MTUS1: variants seen among roughly 807,000 people sequenced by gnomAD.
MTUS1 encodes the protein microtubule-associated tumor suppressor 1.
A neutral mutation model predicts 120.8 loss-of-function variants in MTUS1; 109 were observed. That is an observed-to-expected ratio of 0.90 (90% CI 0.77 to 1.06). MTUS1 has a LOEUF of 1.06. Among genes scored for constraint, MTUS1 ranks in the 50% least tolerant of loss-of-function variants. The pLI, the probability that MTUS1 is intolerant of heterozygous loss-of-function variation, is 0.00. For synonymous variants in MTUS1, 737 were observed against 550.5 expected (o/e 1.34, Z -4.74); for missense variants, 2,210 against 1,486.3 (o/e 1.49, Z -8.01).
chr8:17,739,596 C>G (rs2047168662), intron 3 of MTUS1, among the ~76,000 whole-genome samples: 2 of 152,166 alleles, frequency 1.3e-5, no homozygotes, highest in South Asian at 4.1e-4. Context: ...GCATCACTGG[C>G]TGGTCTGAAT....
In MTUS1 at chr8:17,794,103, G is replaced by T. The variant is rs538418709; in HGVS notation, c.-155+6958C>A. Among the ~76,000 whole-genome samples, 26 of 152,268 alleles carry T rather than the reference G, an allele frequency of 1.7e-4. No individual in the cohort carries two copies. In the South Asian group the frequency reaches 5.4e-3, roughly 32 times the overall value. ...AGCACTTTGGGAGGCCAAGGCCGGT[G>T]GATCACCTGAGGTCAGGAGTTCGAG... is the stretch of plus-strand genomic sequence containing the variant. On this transcript the variant is annotated intron_variant, in intron 1 of 14. Coordinates refer to ENST00000693296, the MANE Select transcript of MTUS1 (RefSeq NM_001363059.2).
intron 8 of MTUS1, among the ~76,000 whole-genome samples, chr8:17,659,962 C>G (rs888502961): frequency 6.6e-6 from 1 of 152,150 alleles, no homozygotes; most frequent in African/African-American, 2.4e-5. Context: ...CCTCATATAC[C>G]TGGACTCAAA....
intron 12 of MTUS1, 123 bp from the exon 13 acceptor site, chr8:17,650,085 G>C (rs999937564): frequency 1.4e-6 from 1 of 708,118 alleles, no homozygotes; most frequent in Non-Finnish European, 2.5e-6. Context: ...TCATCTTAGA[G>C]CAATTTCAAA....
intron 4 of MTUS1, among the ~76,000 whole-genome samples, chr8:17,720,890 G>T (rs1474826600): frequency 6.6e-6 from 1 of 152,092 alleles, no homozygotes; most frequent in East Asian, 1.9e-4. Flanking sequence ...TCGTAACTTT[G>T]AAATTTTCTA....
At chr8:17,696,966 G>T (rs1025230613) in intron 6 of MTUS1, among the ~76,000 whole-genome samples, 1 of 152,130 alleles carries the variant, frequency 6.6e-6, no homozygotes, top group Non-Finnish European at 1.5e-5. Context: ...AATTTAACAG[G>T]TGCTGATTTT....
chr8:17,728,975 A>G (rs912930300), intron 3 of MTUS1, among the ~76,000 whole-genome samples: 2 of 152,236 alleles, frequency 1.3e-5, no homozygotes, highest in African/African-American at 2.4e-5. Context: ...CATTTGAAAT[A>G]TATCAGTATG....
At chr8:17,687,279 C>A (rs1227045124) in intron 6 of MTUS1, among the ~76,000 whole-genome samples, 1 of 152,130 alleles carries the variant, frequency 6.6e-6, no homozygotes, top group East Asian at 1.9e-4. Flanking sequence ...GCCGATGACC[C>A]AGTTTCCACA....
chr8:17,780,055 TG>T (rs564163866), intron 1 of MTUS1, among the ~76,000 whole-genome samples: 121 of 152,224 alleles, frequency 7.9e-4, no homozygotes, highest in African/African-American at 2.0e-3. Context: ...GACTGGGTTA[TG>T]GGGGTGGATC....
intron 3 of MTUS1, among the ~76,000 whole-genome samples, chr8:17,725,959 G>A (rs1234170899): frequency 6.6e-6 from 1 of 152,150 alleles, no homozygotes; most frequent in African/African-American, 2.4e-5. Context: ...AAAAGGCAAT[G>A]TGGGGTTGAT....
chr8:17,792,845 C>A (rs1432968163), intron 1 of MTUS1, among the ~76,000 whole-genome samples: 1 of 152,218 alleles, frequency 6.6e-6, no homozygotes, highest in African/African-American at 2.4e-5. Flanking sequence ...GCCTGTGACA[C>A]AGCAAGACTC....
rs144492062 is a variant in MTUS1 at position 17,745,201 on chromosome 8, C to T, written c.2092-1402G>A. Reference sequence around the variant, plus strand: ...GTGAAAGGAACAATTTCTAAGTGAACGTGTACAGTTGTCCCTCGGTATCAA... The same window carrying T: ...GTGAAAGGAACAATTTCTAAGTGAATGTGTACAGTTGTCCCTCGGTATCAA... On this transcript the variant is annotated intron_variant, in intron 2 of 14. Coordinates refer to ENST00000693296, the MANE Select transcript of MTUS1 (RefSeq NM_001363059.2). 1.5e-4 allele frequency among the ~76,000 whole-genome samples: 23 copies of T among 152,304 alleles called. No individual in the cohort carries two copies. The East Asian group carries it at 3.5e-3, about 23-fold the overall frequency.
intron 8 of MTUS1, among the ~76,000 whole-genome samples, chr8:17,657,633 A>G (rs1382641619): frequency 6.8e-6 from 1 of 147,068 alleles, no homozygotes; most frequent in Non-Finnish European, 1.5e-5. Context: ...AGCCTGGACA[A>G]CATAGGGAAA....
intron 2 of MTUS1, chr8:17,748,102 T>A (rs554610984): frequency 6.6e-6 from 1 of 152,216 alleles, no homozygotes; most frequent in East Asian, 1.9e-4. Context: ...AACTGGAGAC[T>A]TCAGAGGACA....
At chr8:17,742,229 G>A (rs1486310060) in intron 3 of MTUS1, among the ~76,000 whole-genome samples, 1 of 149,854 alleles carries the variant, frequency 6.7e-6, no homozygotes, top group Non-Finnish European at 1.5e-5. Context: ...TAGCTGAGGA[G>A]CCCCTACAAG....
At chr8:17,684,709 T>A (rs150323579) in intron 6 of MTUS1, among the ~76,000 whole-genome samples, 167 bp from the exon 7 acceptor site, 1 of 152,176 alleles carries the variant, frequency 6.6e-6, no homozygotes, top group Non-Finnish European at 1.5e-5. Flanking sequence ...ATCTAGACGG[T>A]TGGAATTCAT....
intron 3 of MTUS1, among the ~76,000 whole-genome samples, chr8:17,743,134 A>G (rs547312837): frequency 6.6e-6 from 1 of 152,292 alleles, no homozygotes; most frequent in Admixed American, 6.5e-5. Flanking sequence ...AACATAAATA[A>G]AAGTTCACAT....
chr8:17,755,685 G>A lies in MTUS1; in HGVS notation c.123C>T (p.Ala41=), dbSNP rs781187972. The change falls in exon 2 of 15, where the codon GCC becomes GCT. Residue 41 remains alanine (A), a synonymous_variant. Transcript: ENST00000693296. The part of the protein sequence containing the change: ...PKSPPTQNSS[A]SSVNWNSANP... The stretch of plus-strand genomic sequence containing the variant: ...TGGCAGAATTCCAGTTCACACTGCT[G>A]GCTGAAGAGTTTTGTGTAGGTGGTG... The A allele has an allele frequency of 4.3e-5, 69 of 1,614,072 alleles. No individual in the cohort carries two copies. Among genetic ancestry groups the A allele is most frequent in the Non-Finnish European group, 2.5e-5 (30 of 1,180,036 alleles).
rs1807423680 is a variant in MTUS1 at position 17,653,233 on chromosome 8, A to G, written c.3337T>C (p.Leu1113=). 5 of 1,557,332 alleles carry G rather than the reference A, an allele frequency of 3.2e-6. No homozygotes were observed. The highest frequency in any genetic ancestry group is 4.3e-6 in the Non-Finnish European group (5 of 1,156,334). The part of the protein sequence containing the change: ...KSENDALNEK[L]KSEEQKRRAR... ...CTTCTTTTTTGTTCTTCTGATTTCA[A>G]TTTTTCATTTAAAGCATCATTTTCA... Residue 1113 remains leucine (L), a synonymous_variant, in exon 12 of 15, where the codon TTG becomes CTG. Transcript: ENST00000693296.
chr8:17,676,604 C>G, intron 7 of MTUS1: 1 of 450,614 alleles, frequency 2.2e-6, no homozygotes, highest in South Asian at 5.2e-5. Context: ...GAGAGGCAGG[C>G]ATTAGACTGA....
Sources: allele counts gnomAD v4.1 joint callset (sites outside exome capture counted in the v4.1 genomes callset), GRCh38; gene constraint gnomAD v4.1.1; transcripts MANE v1.5; gene names NCBI Gene and HGNC (gene_info 2026-07-23, HGNC 2026-07-21).